Variants in BIRC5 observed in about 807,000 individuals in gnomAD.
BIRC5 encodes the protein baculoviral IAP repeat containing 5, also known as baculoviral IAP repeat-containing protein 5.
Under a neutral mutation model 15.8 loss-of-function variants are expected in BIRC5, and 8 were observed. The observed-to-expected ratio is 0.51, with a 90% CI of 0.30 to 0.91. The LOEUF is 0.91. BIRC5 is among the 40% of genes least tolerant of loss of function. The pLI, the probability that BIRC5 is intolerant of heterozygous loss-of-function variation, is 0.07. For synonymous variants in BIRC5, 56 were observed against 64.5 expected, an observed-to-expected ratio of 0.87 and a Z score of 0.63; for missense variants, 163 against 178.6, an observed-to-expected ratio of 0.91 and a Z score of 0.50.
Position 78,225,532 on chromosome 17 carries a change from C to T in BIRC5, c.*1978C>T, listed in dbSNP as rs951035528. 5.3e-5 allele frequency: 8 copies of T among 152,240 alleles called. No homozygotes were observed. The highest frequency in any genetic ancestry group is 1.9e-4 in the African/African-American group (8 of 41,454). 9.4% of individuals were successfully genotyped at this position (152,240 alleles called of 1,614,324 possible). A position where few individuals can be genotyped will look rare whatever the true frequency, so the allele number is the denominator to read the frequency against. On this transcript the variant is annotated 3_prime_UTR_variant, in exon 4 of 4. Coordinates refer to ENST00000350051, the MANE Select transcript of BIRC5 (RefSeq NM_001168.3). ...AAAGTAGAGACAGCAGTGCCCGCTG[C>T]CCAGAAGAGACCAGCAAGCCAAACT...
intron 3 of BIRC5, among the ~76,000 whole-genome samples, chr17:78,219,789 C>T (rs1030780571): frequency 2.7e-4 from 41 of 152,030 alleles, no homozygotes; most frequent in African/African-American, 9.4e-4. Flanking sequence ...GTGGGCTGGA[C>T]AAAAAAAGGC....
rs1468467133 is a variant in BIRC5 at position 78,225,119 on chromosome 17, G to A, written c.*1565G>A. On this transcript the variant is annotated 3_prime_UTR_variant, in exon 4 of 4. Transcript: ENST00000350051. ...GCTTAGTAATTGGCTTTGTAGAGAA[G>A]CTGGAAAAAAATGGTTTTGTCTTCA... 6.6e-6 allele frequency: 1 copy of A among 152,216 alleles called. No homozygotes were observed. Among genetic ancestry groups the A allele is most frequent in the Non-Finnish European group, 1.5e-5 (1 of 68,038 alleles). 9.4% of individuals were successfully genotyped at this position (152,216 alleles called of 1,614,324 possible).
chr17:78,217,169 C>T (rs59153243), intron 3 of BIRC5, among the ~76,000 whole-genome samples: 44,451 of 149,876 alleles, frequency 0.3, 7,482 homozygotes, highest in Middle Eastern at 0.46. Context: ...TGAACCACCA[C>T]GCCTGGCTTT....
intron 1 of BIRC5, 109 bp downstream of exon 1, chr17:78,214,536 T>C: frequency 8.0e-7 from 1 of 1,252,484 alleles, no homozygotes; most frequent in South Asian, 1.5e-5. Flanking sequence ...CTCCCCGTCC[T>C]GTCCCCAGCG....
intron 3 of BIRC5, among the ~76,000 whole-genome samples, chr17:78,221,564 C>CT (rs1371204941): frequency 6.6e-6 from 1 of 152,160 alleles, no homozygotes; most frequent in East Asian, 1.9e-4. Flanking sequence ...GTAGCTGGGA[C>CT]TACAGGCGCT....
intron 3 of BIRC5, among the ~76,000 whole-genome samples, chr17:78,222,293 T>C (rs2076520623): frequency 6.6e-6 from 1 of 151,110 alleles, no homozygotes; most frequent in Non-Finnish European, 1.5e-5. Flanking sequence ...ATTTATAAAT[T>C]ATAAATTTAT....
rs1417825207 is a variant in BIRC5 at position 78,225,561 on chromosome 17, G to GC, written c.*2012dup. On this transcript the variant is annotated 3_prime_UTR_variant, in exon 4 of 4. Coordinates refer to ENST00000350051, the MANE Select transcript of BIRC5 (RefSeq NM_001168.3). ...GAAGAGACCAGCAAGCCAAACTGGAGCCCCCATTGCAGGCTGTCGCCATGT... is the reference window on the plus strand; with the variant it reads ...GAAGAGACCAGCAAGCCAAACTGGAGCCCCCCATTGCAGGCTGTCGCCATGT... 1.3e-5 allele frequency: 2 copies of GC among 152,200 alleles called. No homozygotes were observed. Among genetic ancestry groups the GC allele is most frequent in the African/African-American group, 4.8e-5 (2 of 41,456 alleles). 9.4% of individuals were successfully genotyped at this position (152,200 alleles called of 1,614,324 possible). A position where few individuals can be genotyped will look rare whatever the true frequency, so the allele number is the denominator to read the frequency against.
intron 3 of BIRC5, chr17:78,222,850 G>GA (rs1204545854): frequency 1.3e-6 from 2 of 1,535,936 alleles, no homozygotes; most frequent in Non-Finnish European, 1.7e-6. Flanking sequence ...TTAGCAGAAT[G>GA]AAAAAATTGG....
intron 2 of BIRC5, among the ~76,000 whole-genome samples, chr17:78,215,616 T>C (rs2076472403): frequency 6.6e-6 from 1 of 152,194 alleles, no homozygotes; most frequent in Admixed American, 6.6e-5. Flanking sequence ...TTAATTTTTT[T>C]CCCCTGGAGA....
chr17:78,220,566 G>A (rs530075056), intron 3 of BIRC5, among the ~76,000 whole-genome samples: 1 of 152,322 alleles, frequency 6.6e-6, no homozygotes, highest in East Asian at 1.9e-4. Context: ...GGAAAGAGGG[G>A]AGACATTACA....
In BIRC5 at chr17:78,223,612, C is replaced by A. The variant is rs749753633; in HGVS notation, c.*58C>A. On this transcript the variant is annotated 3_prime_UTR_variant, in exon 4 of 4. Coordinates refer to ENST00000350051, the MANE Select transcript of BIRC5 (RefSeq NM_001168.3). ...GGCTGCACCACTTCCAGGGTTTATT[C>A]CCTGGTGCCACCAGCCTTCCTGTGG... The A allele has an allele frequency of 1.1e-5, 17 of 1,607,738 alleles. No individual in the cohort carries two copies. Among genetic ancestry groups the A allele is most frequent in the Non-Finnish European group, 1.4e-5 (17 of 1,176,308 alleles).
rs571445307 is a variant in BIRC5 at position 78,224,064 on chromosome 17, G to GTT, written c.*522_*523dup. 6.8e-5 allele frequency: 5 copies of GTT among 73,232 alleles called. No homozygotes were observed. The highest frequency in any genetic ancestry group is 7.6e-5 in the Non-Finnish European group (3 of 39,260). 4.5% of individuals were successfully genotyped at this position (73,232 alleles called of 1,614,324 possible). On this transcript the variant is annotated 3_prime_UTR_variant, in exon 4 of 4. Transcript: ENST00000350051. The stretch of plus-strand genomic sequence containing the variant: ...AGTTTTTTTGTTGTTGTGTTTTTTT[G>GTT]TTTTTTTTTTTTTGGTAGATGCATG...
intron 3 of BIRC5, among the ~76,000 whole-genome samples, chr17:78,221,482 A>C (rs1428897172): frequency 1.3e-5 from 2 of 151,884 alleles, no homozygotes; most frequent in East Asian, 3.9e-4. Flanking sequence ...GCTGGAGTGC[A>C]GTGGCGTGAT....
chr17:78,216,422 T>C (rs763676665), intron 2 of BIRC5: 10 of 421,878 alleles, frequency 2.4e-5, no homozygotes, highest in East Asian at 8.3e-5. Context: ...CCAGATAAAA[T>C]AGATACATTA....
chr17:78,222,093 C>T (rs2076519301), intron 3 of BIRC5, among the ~76,000 whole-genome samples: 1 of 151,660 alleles, frequency 6.6e-6, no homozygotes, highest in Admixed American at 6.6e-5. Flanking sequence ...CTCAGCTACT[C>T]AGGAGGCTGA....
intron 3 of BIRC5, among the ~76,000 whole-genome samples, chr17:78,219,248 G>A (rs975354965): frequency 7.2e-5 from 11 of 152,238 alleles, no homozygotes; most frequent in Non-Finnish European, 1.5e-4. Flanking sequence ...GTGGTGGTGC[G>A]ATCTTGGCTC....
chr17:78,216,892 T>C, intron 3 of BIRC5, 111 bp downstream of exon 3: 1 of 821,508 alleles, frequency 1.2e-6, no homozygotes, highest in Non-Finnish European at 1.9e-6. Context: ...TTTTTTTTTT[T>C]TTCTGAGATA....
chr17:78,214,442 C>T lies in BIRC5; in HGVS notation c.111+15C>T, dbSNP rs1043005222. On this transcript the variant is annotated intron_variant, in intron 1 of 3. Transcript: ENST00000350051. Reference sequence around the variant, plus strand: ...CCCCGGAGCGGGTGAGACTGCCCGGCCTCCTGGGGTCCCCCACGCCCGCCT... The same window carrying T: ...CCCCGGAGCGGGTGAGACTGCCCGGTCTCCTGGGGTCCCCCACGCCCGCCT... The T allele has an allele frequency of 6.5e-7, 1 of 1,531,118 alleles. No homozygotes were observed. Among genetic ancestry groups the T allele is most frequent in the Non-Finnish European group, 8.8e-7 (1 of 1,137,406 alleles). 94.8% of individuals were successfully genotyped at this position (1,531,118 alleles called of 1,614,324 possible).
chr17:78,223,397 C>T (rs565973721), intron 3 of BIRC5, 68 bp from the exon 4 acceptor site: 8 of 1,414,732 alleles, frequency 5.7e-6, no homozygotes, highest in Admixed American at 4.7e-5. Context: ...TTTCCTTTGT[C>T]ATCTTATCTA....
Sources: gnomAD v4.1 joint callset for allele counts (sites outside exome capture counted in the v4.1 genomes callset) on GRCh38, gnomAD v4.1.1 for gene constraint, MANE v1.5 for transcripts, NCBI Gene and HGNC (gene_info 2026-07-23, HGNC 2026-07-21) for gene names.